Variants in ALCAM observed in about 807,000 individuals in gnomAD.
The protein encoded by ALCAM is activated leukocyte cell adhesion molecule.
ALCAM carries 30 observed loss-of-function variants against 70.9 expected under a neutral mutation model. The observed-to-expected ratio is 0.42, with a 90% CI of 0.32 to 0.57. The LOEUF is 0.57. Among genes scored for constraint, ALCAM ranks in the 20% least tolerant of loss-of-function variants. ALCAM has a pLI of 0.11. For synonymous variants in ALCAM, 249 were observed against 242.5 expected (o/e 1.03, Z -0.25); for missense variants, 591 against 695.1 (o/e 0.85, Z 1.68).
intron 1 of ALCAM, among the ~76,000 whole-genome samples, chr3:105,398,574 G>C (rs1367958140): frequency 6.6e-6 from 1 of 152,076 alleles, no homozygotes; most frequent in African/African-American, 2.4e-5. Context: ...GTGATGGCCA[G>C]TGGTTCATTT....
chr3:105,470,942 C>T lies in ALCAM; in HGVS notation c.74-49125C>T, dbSNP rs554598998. ...TTTAATGAGTCAGATCATCCCATTT[C>T]CAAAGCATTGCACTATTTGTTAGGG... is the stretch of plus-strand genomic sequence containing the variant. On this transcript the variant is annotated intron_variant, in intron 1 of 15. Transcript: ENST00000306107. Among the ~76,000 whole-genome samples the T allele has an allele frequency of 6.6e-5, 10 of 151,370 alleles. No homozygotes were observed. The South Asian group carries it at 2.1e-3, about 31-fold the overall frequency.
chr3:105,552,660 A>G (rs1220632045), intron 14 of ALCAM, 75 bp downstream of exon 14: 1 of 1,602,074 alleles, frequency 6.2e-7, no homozygotes, highest in Non-Finnish European at 8.5e-7. Flanking sequence ...AATTTTGCTC[A>G]CTCCAGTCGT....
intron 3 of ALCAM, chr3:105,525,140 A>G: frequency 1.0e-6 from 1 of 982,704 alleles, no homozygotes; most frequent in African/African-American, 1.7e-5. Context: ...CACTTGCTTT[A>G]GAAAATTGTC....
At chr3:105,368,254 A>AGAGAGAGAGAGAGAGAGAGAGAGG in intron 1 of ALCAM, among the ~76,000 whole-genome samples, 1 of 146,488 alleles carries the variant, frequency 6.8e-6, no homozygotes, top group Non-Finnish European at 1.5e-5. Context: ...AGAGAGAGAG[A>AGAGAGAGAGAGAGAGAGAGAGAGG]GAGAGAGAGA....
At chr3:105,570,050 C>G (rs2152635991) in intron 14 of ALCAM, among the ~76,000 whole-genome samples, 1 of 152,170 alleles carries the variant, frequency 6.6e-6, no homozygotes, top group South Asian at 2.1e-4. Flanking sequence ...GGAGCCATAG[C>G]TGATAGAAAA....
intron 14 of ALCAM, among the ~76,000 whole-genome samples, chr3:105,571,383 A>T (rs1361573011): frequency 6.6e-6 from 1 of 152,226 alleles, no homozygotes; most frequent in African/African-American, 2.4e-5. Context: ...TGTTGTATTC[A>T]GTAAAACAGA....
At chr3:105,413,314 G>C (rs912159502) in intron 1 of ALCAM, among the ~76,000 whole-genome samples, 2 of 152,084 alleles carry the variant, frequency 1.3e-5, no homozygotes, top group African/African-American at 4.8e-5. Context: ...AAATGCATGT[G>C]ATAACACCAT....
intron 1 of ALCAM, among the ~76,000 whole-genome samples, chr3:105,454,646 C>T (rs1016890164): frequency 6.8e-5 from 9 of 131,604 alleles, no homozygotes; most frequent in Admixed American, 2.4e-4. Flanking sequence ...ATAGTAGATG[C>T]TCATTAATTT....
At chr3:105,444,303 A>T (rs1937246824) in intron 1 of ALCAM, among the ~76,000 whole-genome samples, 1 of 152,182 alleles carries the variant, frequency 6.6e-6, no homozygotes, top group African/African-American at 2.4e-5. Flanking sequence ...CAGGAAACTT[A>T]CAACCATGGT....
At chr3:105,537,886 A>G (rs1056978065) in intron 6 of ALCAM, among the ~76,000 whole-genome samples, 1 of 152,178 alleles carries the variant, frequency 6.6e-6, no homozygotes, top group African/African-American at 2.4e-5. Context: ...AAATGAATAA[A>G]TGAAGAAGGA....
intron 14 of ALCAM, among the ~76,000 whole-genome samples, chr3:105,559,606 A>G (rs1940591272): frequency 6.6e-6 from 1 of 152,068 alleles, no homozygotes; most frequent in African/African-American, 2.4e-5. Flanking sequence ...TGGTCATATC[A>G]TCTATTTCAG....
chr3:105,446,610 TACACACACAC>T (rs59828133), intron 1 of ALCAM, among the ~76,000 whole-genome samples: 185 of 144,110 alleles, frequency 1.3e-3, no homozygotes, highest in East Asian at 7.0e-3. Flanking sequence ...AAATTTGGTG[TACACACACAC>T]ACACACACAC....
chr3:105,567,480 A>G lies in ALCAM; in HGVS notation c.1665-4372A>G, dbSNP rs570974274. On this transcript the variant is annotated intron_variant, in intron 14 of 15. Transcript: ENST00000306107. Reference sequence around the variant, plus strand: ...GACTCCACCATCTCCTCACTTTTTTACTGTTTTCTTTCTCTCTGTTTTCCA... The same window carrying G: ...GACTCCACCATCTCCTCACTTTTTTGCTGTTTTCTTTCTCTCTGTTTTCCA... 9.3e-5 allele frequency among the ~76,000 whole-genome samples: 14 copies of G among 150,262 alleles called. No individual in the cohort carries two copies. In the South Asian group the frequency reaches 2.7e-3, roughly 29 times the overall value.
At chr3:105,573,150 C>T (rs1211967770) in intron 15 of ALCAM, among the ~76,000 whole-genome samples, 1 of 152,002 alleles carries the variant, frequency 6.6e-6, no homozygotes, top group African/African-American at 2.4e-5. Context: ...TGTGGTGAAA[C>T]CCTGCGTCTC....
intron 1 of ALCAM, among the ~76,000 whole-genome samples, chr3:105,519,273 C>CA (rs1485988512): frequency 6.6e-6 from 1 of 151,720 alleles, no homozygotes; most frequent in Non-Finnish European, 1.5e-5. Context: ...CATTCATATG[C>CA]AAAAATTGCT....
chr3:105,531,875 A>G (rs1319590967), intron 3 of ALCAM, 127 bp from the exon 4 acceptor site: 1 of 809,014 alleles, frequency 1.2e-6, no homozygotes, highest in Non-Finnish European at 2.1e-6. Flanking sequence ...TGTATAACGA[A>G]ATCTATTTTT....
At chr3:105,387,704 C>T (rs952602935) in intron 1 of ALCAM, among the ~76,000 whole-genome samples, 3 of 151,410 alleles carry the variant, frequency 2.0e-5, no homozygotes, top group Non-Finnish European at 3.0e-5. Flanking sequence ...TTGCTGAGGG[C>T]TTTTAGTAGT....
chr3:105,489,689 A>G (rs1178338606), intron 1 of ALCAM, among the ~76,000 whole-genome samples: 3 of 152,214 alleles, frequency 2.0e-5, no homozygotes, highest in African/African-American at 7.2e-5. Flanking sequence ...TTTTTCATCC[A>G]GGACATTATA....
rs1237557333 is a variant in ALCAM at position 105,576,179 on chromosome 3, AG to A, written c.*1730del. ...AACTTTTATTGAAGTTTTATTTGGC[AG>A]GAAAAAAAATTGAATCTTGGTCAAC... On this transcript the variant is annotated 3_prime_UTR_variant, in exon 16 of 16. Transcript: ENST00000306107. 2 of 152,574 alleles carry A rather than the reference AG, an allele frequency of 1.3e-5. No homozygotes were observed. The highest frequency in any genetic ancestry group is 4.8e-5 in the African/African-American group (2 of 41,428). The allele number at this position is 152,574 out of a possible 1,614,324, so 9.5% of individuals were successfully genotyped here.
Sources: allele counts gnomAD v4.1 joint callset (sites outside exome capture counted in the v4.1 genomes callset), GRCh38; gene constraint gnomAD v4.1.1; transcripts MANE v1.5; gene names NCBI Gene and HGNC (gene_info 2026-07-23, HGNC 2026-07-21).